Variants in CEP128 observed in about 807,000 individuals in gnomAD.
CEP128 encodes centrosomal protein 128, also known as centrosomal protein 128kDa.
A neutral mutation model predicts 156.7 loss-of-function variants in CEP128; 132 were observed. The observed-to-expected ratio is 0.84, with a 90% CI of 0.73 to 0.97. The LOEUF (loss-of-function observed/expected upper bound fraction) is 0.97. Among genes scored for constraint, CEP128 ranks in the 50% least tolerant of loss-of-function variants. The pLI, the probability that CEP128 is intolerant of heterozygous loss-of-function variation, is 0.00. For synonymous variants in CEP128, 469 were observed against 448.9 expected (o/e 1.04, Z -0.57); for missense variants, 1,252 against 1,281.9 (o/e 0.98, Z 0.36).
chr14:80,949,106 A>G (rs1320929773), intron 2 of CEP128, among the ~76,000 whole-genome samples: 1 of 152,208 alleles, frequency 6.6e-6, no homozygotes, highest in Non-Finnish European at 1.5e-5. Flanking sequence ...TACCAAAAAA[A>G]CAGGCAAGAT....
intron 1 of CEP128, chr14:80,958,394 A>G (rs1355602664): frequency 6.6e-6 from 1 of 152,246 alleles, no homozygotes; most frequent in Non-Finnish European, 1.5e-5. Context: ...CTGCACCCTT[A>G]AGCCACCACT....
rs146879427 is a variant in CEP128 at position 80,539,612 on chromosome 14, T to G, written c.2881-8726A>C. ...TTGTAAAACATGTGTGTTTGAACAATATGAAATCAGTGCACCTTGAAAAAG... is the reference window on the plus strand; with the variant it reads ...TTGTAAAACATGTGTGTTTGAACAAGATGAAATCAGTGCACCTTGAAAAAG... On this transcript the variant is annotated intron_variant, in intron 21 of 24. Coordinates refer to ENST00000555265, the MANE Select transcript of CEP128 (RefSeq NM_152446.5). Among the ~76,000 whole-genome samples the G allele has an allele frequency of 1.8e-4, 28 of 152,262 alleles. No individual in the cohort carries two copies. In the East Asian group the frequency reaches 5.0e-3, roughly 27 times the overall value.
intron 23 of CEP128, among the ~76,000 whole-genome samples, chr14:80,515,194 G>A (rs1467086130): frequency 6.6e-6 from 1 of 152,138 alleles, no homozygotes; most frequent in African/African-American, 2.4e-5. Flanking sequence ...ACTAATGCCT[G>A]GCTGCTGGTC....
intron 19 of CEP128, among the ~76,000 whole-genome samples, chr14:80,611,774 G>C (rs1893003425): frequency 6.6e-6 from 1 of 152,116 alleles, no homozygotes; most frequent in Non-Finnish European, 1.5e-5. Flanking sequence ...TAAAAACTTA[G>C]ATAGGCCGGG....
chr14:80,690,529 C>T (rs2139305121), intron 19 of CEP128, among the ~76,000 whole-genome samples: 1 of 151,824 alleles, frequency 6.6e-6, no homozygotes, highest in Non-Finnish European at 1.5e-5. Flanking sequence ...GTCACAAACA[C>T]ACTTATCCAG....
intron 19 of CEP128, among the ~76,000 whole-genome samples, chr14:80,656,282 TATATATATTTATATATATATATATATA>T (rs1895144995): frequency 1.4e-4 from 1 of 7,338 alleles, no homozygotes; most frequent in African/African-American, 7.1e-4. Context: ...TTTTTATTTA[TATATATATTTATATATATATATATATA>T]TATATATATA....
chr14:80,840,665 A>G lies in CEP128; in HGVS notation c.849+17T>C. The G allele has an allele frequency of 6.6e-7, 1 of 1,523,958 alleles. No individual in the cohort carries two copies. Among genetic ancestry groups the G allele is most frequent in the Non-Finnish European group, 9.1e-7 (1 of 1,100,268 alleles). The allele number at this position is 1,523,958 out of a possible 1,614,324, so 94.4% of individuals were successfully genotyped here. ...CAAACCACTTTATTCTTTGAAAGAT[A>G]ACTTTTAAAATCTTACTTGATTCTT... On this transcript the variant is annotated intron_variant, in intron 10 of 24. Transcript: ENST00000555265.
intron 19 of CEP128, among the ~76,000 whole-genome samples, chr14:80,583,741 T>C (rs1413117587): frequency 6.6e-6 from 1 of 152,222 alleles, no homozygotes; most frequent in Non-Finnish European, 1.5e-5. Context: ...GGACTTCCAA[T>C]ACATAATTCT....
rs565369120 is a variant in CEP128 at position 80,863,376 on chromosome 14, T to C, written c.646-503A>G. Among the ~76,000 whole-genome samples the C allele has an allele frequency of 5.8e-4, 89 of 152,334 alleles. 1 individual carries two copies. The South Asian group carries it at 0.018, about 31-fold the overall frequency. On this transcript the variant is annotated intron_variant, in intron 8 of 24. Transcript: ENST00000555265. ...TTTACATTAGCTTATCAATCTTTTC[T>C]ACTGCAATCTGCTAAAAATAAAACA...
intron 13 of CEP128, among the ~76,000 whole-genome samples, chr14:80,804,461 A>G (rs1884058408): frequency 6.6e-6 from 1 of 152,192 alleles, no homozygotes; most frequent in African/African-American, 2.4e-5. Context: ...ATAGAACGCC[A>G]CTTGAAATAT....
At chr14:80,661,674 A>G (rs974103221) in intron 19 of CEP128, among the ~76,000 whole-genome samples, 1 of 152,158 alleles carries the variant, frequency 6.6e-6, no homozygotes, top group African/African-American at 2.4e-5. Flanking sequence ...TGAAATTATA[A>G]TTCTTATCTT....
chr14:80,534,728 G>A (rs1043926259), intron 21 of CEP128, among the ~76,000 whole-genome samples: 10 of 147,828 alleles, frequency 6.8e-5, no homozygotes, highest in African/African-American at 2.5e-4. Context: ...GGGAGGCTGA[G>A]GCAGGAGAAT....
chr14:80,898,944 C>T (rs932350628), intron 7 of CEP128, among the ~76,000 whole-genome samples: 4 of 152,164 alleles, frequency 2.6e-5, no homozygotes, highest in African/African-American at 7.2e-5. Flanking sequence ...TCTGACTCCA[C>T]TACAACCCTC....
intron 14 of CEP128, among the ~76,000 whole-genome samples, chr14:80,791,031 G>C (rs1394128819): frequency 6.6e-6 from 1 of 152,106 alleles, no homozygotes; most frequent in African/African-American, 2.4e-5. Context: ...GAAAGTAGCT[G>C]TATTATAAAT....
chr14:80,959,291 C>G (rs1886890348), intron 1 of CEP128: 1 of 152,162 alleles, frequency 6.6e-6, no homozygotes, highest in Non-Finnish European at 1.5e-5. Context: ...AAAAATCACT[C>G]TCTTCCATTG....
intron 19 of CEP128, among the ~76,000 whole-genome samples, chr14:80,591,968 G>A (rs1595057141): frequency 6.6e-6 from 1 of 152,234 alleles, no homozygotes; most frequent in African/African-American, 2.4e-5. Flanking sequence ...TGAGAACAAA[G>A]ACACAATATA....
At chr14:80,672,784 AAAAC>A (rs1325416914) in intron 19 of CEP128, among the ~76,000 whole-genome samples, 1 of 152,204 alleles carries the variant, frequency 6.6e-6, no homozygotes, top group Non-Finnish European at 1.5e-5. Context: ...TTTCTAATTT[AAAAC>A]TACTATAGCA....
At chr14:80,646,994 A>AATATAT (rs372341494) in intron 19 of CEP128, among the ~76,000 whole-genome samples, 2,337 of 76,544 alleles carry the variant, frequency 0.031, 186 homozygotes, top group African/African-American at 0.079. Flanking sequence ...ATTTATAAGA[A>AATATAT]ATATATATAT....
At chr14:80,491,475 G>A (rs1250459232), downstream of CEP128, among the ~76,000 whole-genome samples, 3 of 152,176 alleles carry the variant, frequency 2.0e-5, no homozygotes, top group South Asian at 2.1e-4. Flanking sequence ...TAATGCCACC[G>A]TGTTAGATGG....
Sources: gnomAD v4.1 joint callset for allele counts (sites outside exome capture counted in the v4.1 genomes callset) on GRCh38, gnomAD v4.1.1 for gene constraint, MANE v1.5 for transcripts, NCBI Gene and HGNC (gene_info 2026-07-23, HGNC 2026-07-21) for gene names.